Variants in TEX14 observed in about 807,000 individuals in gnomAD.
The protein encoded by TEX14 is testis expressed 14, intercellular bridge forming factor, also known as inactive serine/threonine-protein kinase TEX14.
Under a neutral mutation model 178.6 loss-of-function variants are expected in TEX14, and 168 were observed. The observed-to-expected ratio is 0.94, with a 90% CI of 0.83 to 1.07. TEX14 has a LOEUF of 1.07. Ranked by LOEUF, TEX14 falls within the 50% of genes least tolerant of loss-of-function variation. The pLI is 0.00. For missense variants in TEX14, 1,730 were observed against 1,753.6 expected (o/e 0.99, Z 0.24); for synonymous variants, 626 against 634.1 (o/e 0.99, Z 0.19).
intron 1 of TEX14, chr17:58,660,782 T>C (rs1432385472): frequency 1.3e-6 from 1 of 781,340 alleles, no homozygotes; most frequent in East Asian, 2.4e-5. Context: ...ATGTTGATCA[T>C]ACCAGTCACT....
At position 58,585,614 on chromosome 17, in the gene TEX14, T is replaced by G. The variant is rs34316127; in HGVS notation, c.3070+187A>C. On this transcript the variant is annotated intron_variant, in intron 18 of 31. Coordinates refer to ENST00000349033, the MANE Select transcript of TEX14 (RefSeq NM_031272.5). Reference sequence around the variant, plus strand: ...GTGCCACCACGCCCAGCTAATGTTTTTTTTTTTTTTTTTTTTTTTTTTGTA... The same window carrying G: ...GTGCCACCACGCCCAGCTAATGTTTGTTTTTTTTTTTTTTTTTTTTTTGTA... Among the ~76,000 whole-genome samples the G allele has an allele frequency of 6.9e-4, 97 of 141,260 alleles. 2 individuals are homozygous for G. Among genetic ancestry groups the G allele is most frequent in the Middle Eastern group, 3.5e-3 (1 of 284 alleles). 92.7% of individuals were successfully genotyped at this position (141,260 alleles called of 152,430 possible). A position where few individuals can be genotyped will look rare whatever the true frequency, so the allele number is the denominator to read the frequency against.
At chr17:58,664,367 C>T (rs2047171743) in intron 1 of TEX14, among the ~76,000 whole-genome samples, 1 of 152,154 alleles carries the variant, frequency 6.6e-6, no homozygotes, top group African/African-American at 2.4e-5. Context: ...TGGGAGAACT[C>T]CATTTCTGAT....
At chr17:58,636,628 T>C (rs967690297) in intron 2 of TEX14, among the ~76,000 whole-genome samples, 1 of 152,142 alleles carries the variant, frequency 6.6e-6, no homozygotes, top group African/African-American at 2.4e-5. Context: ...TCTGTGATAT[T>C]GTGAAATATG....
chr17:58,679,504 G>C (rs192448787), intron 1 of TEX14: 2 of 152,106 alleles, frequency 1.3e-5, no homozygotes, highest in African/African-American at 4.8e-5. Flanking sequence ...TACAACGTAC[G>C]CCTTTTATAA....
intron 2 of TEX14, among the ~76,000 whole-genome samples, chr17:58,637,572 G>T (rs2046464418): frequency 6.6e-6 from 1 of 152,228 alleles, no homozygotes; most frequent in Non-Finnish European, 1.5e-5. Context: ...GACTGGGTTG[G>T]GAAGCTTCTG....
At chr17:58,661,179 C>A (rs761449251) in intron 1 of TEX14, 1 of 804,894 alleles carries the variant, frequency 1.2e-6, no homozygotes. Context: ...GAGGTAATAG[C>A]ACCGTGATTT....
chr17:58,648,612 C>G (rs1319005832), intron 2 of TEX14, among the ~76,000 whole-genome samples: 1 of 152,052 alleles, frequency 6.6e-6, no homozygotes, highest in Non-Finnish European at 1.5e-5. Flanking sequence ...CTGGTGGCAG[C>G]TTGGGGTAGG....
intron 2 of TEX14, among the ~76,000 whole-genome samples, chr17:58,648,786 C>A (rs146860155): frequency 1.1e-5 from 1 of 89,710 alleles, no homozygotes. Context: ...CTTTTTTTTT[C>A]TTTTTTTTTT....
intron 14 of TEX14, among the ~76,000 whole-genome samples, chr17:58,597,137 C>A (rs920162877): frequency 6.6e-6 from 1 of 152,094 alleles, no homozygotes; most frequent in Non-Finnish European, 1.5e-5. Flanking sequence ...GTGGCTCATG[C>A]CTGTAATCCT....
At chr17:58,666,453 C>G (rs1363238675) in intron 1 of TEX14, 1 of 108,404 alleles carries the variant, frequency 9.2e-6, no homozygotes, top group Non-Finnish European at 1.8e-5. Flanking sequence ...ACAAACCTTC[C>G]ACGGCAAAAA....
At chr17:58,671,947 G>C (rs989097935) in intron 1 of TEX14, among the ~76,000 whole-genome samples, 1 of 151,996 alleles carries the variant, frequency 6.6e-6, no homozygotes, top group Non-Finnish European at 1.5e-5. Context: ...CTCTATCTTA[G>C]AGGCTCCCAA....
chr17:58,679,308 G>T (rs2047449079), intron 1 of TEX14, among the ~76,000 whole-genome samples: 1 of 152,128 alleles, frequency 6.6e-6, no homozygotes, highest in Admixed American at 6.6e-5. Flanking sequence ...GCCGCCAAAG[G>T]TATTCAACTG....
chr17:58,663,882 A>G (rs551841481), intron 1 of TEX14, among the ~76,000 whole-genome samples: 1 of 152,112 alleles, frequency 6.6e-6, no homozygotes, highest in Non-Finnish European at 1.5e-5. Flanking sequence ...TAAAAACCAT[A>G]CTAACTCTAT....
At chr17:58,648,479 G>A in intron 2 of TEX14, among the ~76,000 whole-genome samples, 1 of 152,152 alleles carries the variant, frequency 6.6e-6, no homozygotes, top group Non-Finnish European at 1.5e-5. Context: ...GTGCAAGTGT[G>A]ACTAATTACT....
chr17:58,624,791 G>A (rs1320515431), intron 3 of TEX14, among the ~76,000 whole-genome samples: 1 of 152,164 alleles, frequency 6.6e-6, no homozygotes, highest in Non-Finnish European at 1.5e-5. Context: ...CAATGAATGG[G>A]TGTATCATAA....
At chr17:58,673,307 T>TA (rs761937837) in intron 1 of TEX14, among the ~76,000 whole-genome samples, 27 of 145,548 alleles carry the variant, frequency 1.9e-4, no homozygotes, top group Middle Eastern at 3.5e-3. Flanking sequence ...GGCGAAACCA[T>TA]AAAAAAAAAA....
At chr17:58,685,996 C>CAAAAAAAAAAAAA (rs34156664) in intron 1 of TEX14, among the ~76,000 whole-genome samples, 2 of 82,642 alleles carry the variant, frequency 2.4e-5, no homozygotes, top group African/African-American at 4.8e-5. Context: ...CTCTGTCTCA[C>CAAAAAAAAAAAAA]AAAAAAAAAA....
intron 2 of TEX14, among the ~76,000 whole-genome samples, chr17:58,650,473 T>C (rs2046817335): frequency 6.6e-6 from 1 of 152,162 alleles, no homozygotes; most frequent in Non-Finnish European, 1.5e-5. Flanking sequence ...TTGAGCTCAG[T>C]GTGAGCTACT....
chr17:58,556,935 G>T lies in TEX14; in HGVS notation c.*76C>A. On this transcript the variant is annotated 3_prime_UTR_variant, in exon 32 of 32. Coordinates refer to ENST00000349033, the MANE Select transcript of TEX14 (RefSeq NM_031272.5). ...AACTGCTGCCCTGACAGCAACTGAA[G>T]CAGAAAGAGAAGAAAGGAGCTTACA... The T allele has an allele frequency of 8.3e-7, 1 of 1,211,108 alleles. No homozygotes were observed. The highest frequency in any genetic ancestry group is 1.2e-6 in the Non-Finnish European group (1 of 813,940). The allele number at this position is 1,211,108 out of a possible 1,614,324, so 75.0% of individuals were successfully genotyped here.
Sources: allele counts gnomAD v4.1 joint callset (sites outside exome capture counted in the v4.1 genomes callset), GRCh38; gene constraint gnomAD v4.1.1; transcripts MANE v1.5; gene names NCBI Gene and HGNC (gene_info 2026-07-23, HGNC 2026-07-21).